ASIP: variants seen among roughly 807,000 people sequenced by gnomAD.
ASIP encodes the protein agouti signaling protein, also known as agouti-signaling protein.
In ASIP, 11 loss-of-function variants were observed where a neutral mutation model predicts 10.3. The observed-to-expected ratio is 1.07, with a 90% confidence interval of 0.68 to 1.78. The LOEUF is 1.78. Ranked by LOEUF, ASIP falls within the 40% of genes most tolerant of loss-of-function variation. ASIP has a pLI of 0.00. For synonymous variants in ASIP, 70 were observed against 70.8 expected, an observed-to-expected ratio of 0.99 and a Z score of 0.06; for missense variants, 180 against 169.2, an observed-to-expected ratio of 1.06 and a Z score of -0.35.
At chr20:34,266,081 C>T (rs2035779343) in intron 3 of ASIP, among the ~76,000 whole-genome samples, 1 of 152,152 alleles carries the variant, frequency 6.6e-6, no homozygotes, top group Non-Finnish European at 1.5e-5. Flanking sequence ...TGGCCAGGCA[C>T]GGTGGCTCAC....
intron 1 of ASIP, among the ~76,000 whole-genome samples, chr20:34,198,006 G>T (rs1243156967): frequency 6.6e-6 from 1 of 152,052 alleles, no homozygotes; most frequent in African/African-American, 2.4e-5. Flanking sequence ...AGAGAGAATG[G>T]GGTCAGACCC....
chr20:34,236,613 G>T (rs767249536), upstream of ASIP, among the ~76,000 whole-genome samples: 1 of 152,090 alleles, frequency 6.6e-6, no homozygotes, highest in Non-Finnish European at 1.5e-5. Flanking sequence ...CACTTTGGGA[G>T]TCTGGGGTGG....
intron 3 of ASIP, 72 bp downstream of exon 3, chr20:34,262,965 C>T: frequency 9.0e-6 from 14 of 1,550,746 alleles, no homozygotes; most frequent in Non-Finnish European, 1.2e-5. Context: ...GGACCCCCAA[C>T]CTCTGGCTAG....
At chr20:34,188,324 C>T in the ASIP span, among the ~76,000 whole-genome samples, 3 of 152,096 alleles carry the variant, frequency 2.0e-5, no homozygotes, top group African/African-American at 7.2e-5. Flanking sequence ...AGAACATGTA[C>T]TGCTGGTGGT....
At chr20:34,208,914 A>G (rs556491028) in intron 1 of ASIP, among the ~76,000 whole-genome samples, 6 of 152,300 alleles carry the variant, frequency 3.9e-5, no homozygotes, top group African/African-American at 1.4e-4. Flanking sequence ...CAAATTGTTC[A>G]CAGTTGAAAT....
chr20:34,249,973 G>A (rs1208316294), intron 1 of ASIP: 2 of 152,204 alleles, frequency 1.3e-5, no homozygotes, highest in Non-Finnish European at 2.9e-5. Flanking sequence ...CTGATCAAAG[G>A]AAAGCCTGCC....
intron 1 of ASIP, chr20:34,214,998 G>T: frequency 7.1e-7 from 1 of 1,416,438 alleles, no homozygotes; most frequent in Non-Finnish European, 1.0e-6. Flanking sequence ...TAGAAAATCT[G>T]GCCAACATCT....
chr20:34,258,845 G>GTATAATATATGA (rs2035637505), intron 1 of ASIP, among the ~76,000 whole-genome samples: 1 of 116,584 alleles, frequency 8.6e-6, no homozygotes, highest in South Asian at 2.6e-4. Flanking sequence ...TATATATAGT[G>GTATAATATATGA]TATATATAAT....
chr20:34,205,875 T>C (rs959271708), intron 1 of ASIP, among the ~76,000 whole-genome samples: 7 of 151,596 alleles, frequency 4.6e-5, no homozygotes, highest in African/African-American at 1.7e-4. Flanking sequence ...AGAGTGCTGA[T>C]TGGTGCATTT....
chr20:34,263,737 T>G (rs1026959207), intron 3 of ASIP, among the ~76,000 whole-genome samples: 4 of 151,792 alleles, frequency 2.6e-5, no homozygotes, highest in African/African-American at 9.7e-5. Context: ...GGCGTGATCT[T>G]GGCTCACTGC....
At chr20:34,222,170 T>A (rs1360703657) in intron 1 of ASIP, among the ~76,000 whole-genome samples, 2 of 151,950 alleles carry the variant, frequency 1.3e-5, no homozygotes, top group Non-Finnish European at 2.9e-5. Context: ...ATATAAAGAA[T>A]CTTTAGCTGT....
At chr20:34,209,818 G>A (rs1161650630) in intron 1 of ASIP, among the ~76,000 whole-genome samples, 9 of 152,220 alleles carry the variant, frequency 5.9e-5, no homozygotes, top group African/African-American at 2.2e-4. Context: ...GACAGCAGTG[G>A]GAGGCAGACA....
chr20:34,220,953 CTTTTTTTTTTTT>C (rs10661983), intron 1 of ASIP, among the ~76,000 whole-genome samples: 5 of 109,764 alleles, frequency 4.6e-5, no homozygotes, highest in Admixed American at 2.0e-4. Flanking sequence ...TTCTTTCCTT[CTTTTTTTTTTTT>C]TTTTTTTTTT....
chr20:34,249,136 A>C (rs1237510573), intron 1 of ASIP, among the ~76,000 whole-genome samples: 1 of 152,164 alleles, frequency 6.6e-6, no homozygotes, highest in East Asian at 1.9e-4. Flanking sequence ...CTCGAAAAAA[A>C]AAAATCTAAT....
chr20:34,245,456 C>T (rs551207593), intron 1 of ASIP, among the ~76,000 whole-genome samples: 97 of 151,218 alleles, frequency 6.4e-4, no homozygotes, highest in Non-Finnish European at 1.1e-3. Context: ...TGGCAGATCT[C>T]GGCTCACTGC....
At chr20:34,257,577 G>A (rs1303624967) in intron 1 of ASIP, among the ~76,000 whole-genome samples, 3 of 151,956 alleles carry the variant, frequency 2.0e-5, no homozygotes, top group Non-Finnish European at 2.9e-5. Flanking sequence ...ATATTATCTA[G>A]TTTACAAATA....
rs1408303519 is a variant in ASIP at position 34,201,004 on chromosome 20, C to T, written c.-11+6244C>T. On this transcript the variant is annotated intron_variant, in intron 1 of 3. Transcript: ENST00000568305. The stretch of plus-strand genomic sequence containing the variant: ...TCCTTCCTTCCTTCCTTCCTTCCTT[C>T]CTTCCTTCCTTCCTTCTTTCTTTCT... Among the ~76,000 whole-genome samples the T allele has an allele frequency of 2.2e-4, 15 of 69,166 alleles. No individual in the cohort carries two copies. The African/African-American group carries it at 2.3e-3, about 11-fold the overall frequency. The allele number at this position is 69,166 out of a possible 152,430, so 45.4% of individuals were successfully genotyped here. A position where few individuals can be genotyped will look rare whatever the true frequency, so the allele number is the denominator to read the frequency against.
intron 1 of ASIP, chr20:34,194,808 G>A (rs1256713010): frequency 6.6e-6 from 1 of 152,106 alleles, no homozygotes; most frequent in East Asian, 1.9e-4. Context: ...TTCTGAGCGG[G>A]TGCTTTGGTA....
intron 2 of ASIP, 82 bp downstream of exon 2, chr20:34,260,616 C>T: frequency 7.1e-7 from 1 of 1,409,866 alleles, no homozygotes; most frequent in Non-Finnish European, 9.6e-7. Flanking sequence ...CTACCAGGAT[C>T]CACCGCCATG....
Sources: gnomAD v4.1 joint callset for allele counts (sites outside exome capture counted in the v4.1 genomes callset) on GRCh38, gnomAD v4.1.1 for gene constraint, MANE v1.5 for transcripts, NCBI Gene and HGNC (gene_info 2026-07-23, HGNC 2026-07-21) for gene names.